ERICH6: variants seen among roughly 807,000 people sequenced by gnomAD.
ERICH6 encodes glutamate-rich protein 6.
A neutral mutation model predicts 71.0 loss-of-function variants in ERICH6; 71 were observed. The ratio of observed to expected loss-of-function variants is 1.00; its 90% CI spans 0.83 to 1.22. The LOEUF (loss-of-function observed/expected upper bound fraction) is 1.22. Among genes scored for constraint, ERICH6 ranks in the 50% most tolerant of loss-of-function variants. The probability of loss-of-function intolerance (pLI) is 0.00; values close to 1 mark genes in which losing one functional copy is unlikely to be tolerated. For synonymous variants in ERICH6, 262 were observed against 278.4 expected, an observed-to-expected ratio of 0.94 and a Z score of 0.59; for missense variants, 808 against 797.2, an observed-to-expected ratio of 1.01 and a Z score of -0.16.
intron 6 of ERICH6, among the ~76,000 whole-genome samples, chr3:150,683,842 A>G (rs1712065563): frequency 6.6e-6 from 1 of 152,182 alleles, no homozygotes; most frequent in African/African-American, 2.4e-5. Flanking sequence ...TAGAGAGAAG[A>G]GCTGGGCAAG....
intron 2 of ERICH6, among the ~76,000 whole-genome samples, chr3:150,701,841 A>C (rs1194565911): frequency 6.6e-6 from 1 of 152,204 alleles, no homozygotes; most frequent in East Asian, 1.9e-4. Flanking sequence ...TATATTCAAA[A>C]TTCTCAAGCA....
chr3:150,695,355 A>C (rs773488233), intron 3 of ERICH6, among the ~76,000 whole-genome samples: 57 of 152,198 alleles, frequency 3.7e-4, no homozygotes, highest in Non-Finnish European at 6.5e-4. Context: ...AAAATACAAT[A>C]GAAAAAAAGA....
At chr3:150,679,973 T>C (rs1382010860) in intron 9 of ERICH6, among the ~76,000 whole-genome samples, 2 of 151,994 alleles carry the variant, frequency 1.3e-5, no homozygotes, top group Admixed American at 6.5e-5. Flanking sequence ...GACTTATTTT[T>C]GACAGATTTT....
intron 13 of ERICH6, among the ~76,000 whole-genome samples, chr3:150,664,067 G>A (rs1161752572): frequency 6.6e-6 from 1 of 151,986 alleles, no homozygotes; most frequent in Non-Finnish European, 1.5e-5. Flanking sequence ...GAGTAATCAG[G>A]CCAGAAAAAT....
At chr3:150,668,901 A>G (rs1711496191) in intron 12 of ERICH6, among the ~76,000 whole-genome samples, 1 of 152,220 alleles carries the variant, frequency 6.6e-6, no homozygotes, top group South Asian at 2.1e-4. Context: ...AACATAGTGT[A>G]TCAACTGTCT....
At chr3:150,671,934 C>A (rs1009335032) in intron 11 of ERICH6, among the ~76,000 whole-genome samples, 2 of 152,110 alleles carry the variant, frequency 1.3e-5, no homozygotes, top group African/African-American at 4.8e-5. Flanking sequence ...CCAGCCTCAA[C>A]CCCTAGGTAT....
At chr3:150,686,234 G>GGT in intron 4 of ERICH6, 64 bp downstream of exon 4, 1 of 1,552,770 alleles carries the variant, frequency 6.4e-7, no homozygotes, top group South Asian at 1.1e-5. Context: ...TGCGAGTTAA[G>GGT]GTGATTCCCT....
chr3:150,666,825 C>T lies in ERICH6; in HGVS notation c.1690G>A (p.Gly564Ser). 6.2e-7 allele frequency: 1 copy of T among 1,614,044 alleles called. No individual in the cohort carries two copies. Among genetic ancestry groups the T allele is most frequent in the South Asian group, 1.1e-5 (1 of 91,064 alleles). Residue 564 changes from glycine (G) to serine (S), a missense_variant, in exon 13 of 14, where the codon GGC (glycine) becomes AGC (serine). By Grantham distance (56) the Gly-to-Ser change is moderately conservative (BLOSUM62 0). This residue lies in a region of ERICH6 where 736 missense variants were observed against 712.2 expected (regional missense o/e 1.03). Coordinates refer to ENST00000295910, the MANE Select transcript of ERICH6 (RefSeq NM_152394.5). Reference sequence around the variant, plus strand: ...CCAACACTGATTCTTGCCTGTTGGCCCATTGCTAGAAAAGTTATAGAAATC... The same window carrying T: ...CCAACACTGATTCTTGCCTGTTGGCTCATTGCTAGAAAAGTTATAGAAATC... ...DKISITFLAM[G>S]QQARISVGTK...
intron 13 of ERICH6, among the ~76,000 whole-genome samples, chr3:150,661,653 T>C (rs1282331783): frequency 6.6e-6 from 1 of 152,178 alleles, no homozygotes; most frequent in Non-Finnish European, 1.5e-5. Flanking sequence ...GATTTGGAAG[T>C]TAATTCTATG....
At chr3:150,703,079 A>G (rs1349541827) in intron 1 of ERICH6, among the ~76,000 whole-genome samples, 1 of 151,932 alleles carries the variant, frequency 6.6e-6, no homozygotes, top group Non-Finnish European at 1.5e-5. Flanking sequence ...CCTGGGCAAC[A>G]TAGTGAGACG....
At chr3:150,670,341 G>A (rs1711498208) in intron 11 of ERICH6, among the ~76,000 whole-genome samples, 1 of 152,004 alleles carries the variant, frequency 6.6e-6, no homozygotes, top group Non-Finnish European at 1.5e-5. Context: ...AAATAGCCAG[G>A]CATGGTGGTG....
chr3:150,676,953 C>T (rs183765129), intron 10 of ERICH6, among the ~76,000 whole-genome samples: 14 of 152,158 alleles, frequency 9.2e-5, no homozygotes, highest in East Asian at 1.9e-4. Context: ...GCTGGGATTA[C>T]GGGTGCCTGC....
At chr3:150,703,377 A>G in intron 1 of ERICH6, 119 bp downstream of exon 1, 1 of 1,437,158 alleles carries the variant, frequency 7.0e-7, no homozygotes, top group Non-Finnish European at 9.1e-7. Context: ...GGAATGGTGC[A>G]TGCATTTAGA....
At chr3:150,680,574 A>G in intron 8 of ERICH6, 36 bp from the exon 9 acceptor site, 1 of 1,611,548 alleles carries the variant, frequency 6.2e-7, no homozygotes, top group Non-Finnish European at 8.5e-7. Context: ...TAAATCTGAA[A>G]TGTGGTTGAA....
At chr3:150,681,641 C>T (rs1048265919) in intron 7 of ERICH6, among the ~76,000 whole-genome samples, 2 of 152,044 alleles carry the variant, frequency 1.3e-5, no homozygotes, top group African/African-American at 2.4e-5. Flanking sequence ...CAAAGTGATG[C>T]ACCATTTTAT....
At chr3:150,667,198 T>C (rs948445795) in intron 12 of ERICH6, among the ~76,000 whole-genome samples, 183 bp from the exon 13 acceptor site, 2 of 152,190 alleles carry the variant, frequency 1.3e-5, no homozygotes, top group East Asian at 3.8e-4. Context: ...GAATCTGAAG[T>C]ACTGTATCCT....
At chr3:150,685,632 C>CTTT in intron 6 of ERICH6, 110 bp downstream of exon 6, 3 of 774,572 alleles carry the variant, frequency 3.9e-6, no homozygotes, top group African/African-American at 1.9e-5. Flanking sequence ...AGCTCTTTGG[C>CTTT]TTTTTTTTTT....
intron 13 of ERICH6, among the ~76,000 whole-genome samples, chr3:150,664,146 G>C (rs1727317157): frequency 6.6e-6 from 1 of 152,158 alleles, no homozygotes; most frequent in African/African-American, 2.4e-5. Context: ...GGGAAGAAAT[G>C]ATTCCAGGAA....
At chr3:150,682,788 A>G (rs568641857) in intron 6 of ERICH6, among the ~76,000 whole-genome samples, 1 of 152,342 alleles carries the variant, frequency 6.6e-6, no homozygotes, top group South Asian at 2.1e-4. Flanking sequence ...GTAGGCCAAC[A>G]TGTACAATGA....
Sources: gnomAD v4.1 joint callset for allele counts (sites outside exome capture counted in the v4.1 genomes callset) on GRCh38, gnomAD v4.1.1 for gene constraint, gnomAD v4.1.1 regional missense constraint, MANE v1.5 for transcripts, NCBI Gene and HGNC (gene_info 2026-07-23, HGNC 2026-07-21) for gene names.